The following CRIM1 variants were observed in gnomAD, a reference collection of about 807,000 sequenced individuals.
CRIM1 encodes cysteine-rich motor neuron 1 protein.
In CRIM1, 32 loss-of-function variants were observed where a neutral mutation model predicts 116.4. The observed-to-expected ratio is 0.27, with a 90% CI of 0.21 to 0.37. CRIM1 has a LOEUF of 0.37. Among genes scored for constraint, CRIM1 ranks in the 10% least tolerant of loss-of-function variants. The probability of loss-of-function intolerance (pLI) is 1.00; values close to 1 mark genes in which losing one functional copy is unlikely to be tolerated. For synonymous variants in CRIM1, 590 were observed against 509.2 expected (o/e 1.16, Z -2.13); for missense variants, 1,331 against 1,354.8 (o/e 0.98, Z 0.28).
chr2:36,473,294 C>T (rs147467392), intron 5 of CRIM1, among the ~76,000 whole-genome samples: 19 of 152,214 alleles, frequency 1.2e-4, no homozygotes, highest in African/African-American at 4.3e-4. Flanking sequence ...CAGCTTTCAC[C>T]GGCAGATTGA....
At chr2:36,454,580 T>A (rs1386271976) in intron 4 of CRIM1, among the ~76,000 whole-genome samples, 1 of 152,194 alleles carries the variant, frequency 6.6e-6, no homozygotes, top group Non-Finnish European at 1.5e-5. Flanking sequence ...AGTCAAAGGG[T>A]TGAATCACAG....
rs555923172 is a variant in CRIM1, at chr2:36,382,465, C to T, written c.332-14149C>T. On this transcript the variant is annotated intron_variant, in intron 1 of 16. Coordinates refer to ENST00000280527, the MANE Select transcript of CRIM1 (RefSeq NM_016441.3). ...TGATAATTAGTGCTCCGTGGCCATG[C>T]CACACATCCTGTCTGAAGCAAGGGT... Among the ~76,000 whole-genome samples, 47 of 147,864 alleles carry T rather than the reference C, an allele frequency of 3.2e-4. No homozygotes were observed. The East Asian group carries it at 8.5e-3, about 27-fold the overall frequency.
intron 1 of CRIM1, among the ~76,000 whole-genome samples, chr2:36,376,793 T>TCC (rs1670353095): frequency 3.9e-5 from 6 of 152,218 alleles, no homozygotes; most frequent in Admixed American, 3.9e-4. Flanking sequence ...AATGCCTGAC[T>TCC]TCCTGACCTG....
intron 6 of CRIM1, among the ~76,000 whole-genome samples, chr2:36,478,059 A>T (rs142614433): frequency 6.6e-6 from 1 of 152,328 alleles, no homozygotes; most frequent in Non-Finnish European, 1.5e-5. Flanking sequence ...GGGAGGGCAC[A>T]GTGTCATGCC....
chr2:36,509,317 G>C (rs764274446), intron 8 of CRIM1, among the ~76,000 whole-genome samples: 13 of 152,140 alleles, frequency 8.5e-5, no homozygotes, highest in Non-Finnish European at 1.9e-4. Context: ...AGGAGTTCAA[G>C]AAGAACCTGG....
At chr2:36,544,023 C>T (rs1421296203) in intron 14 of CRIM1, among the ~76,000 whole-genome samples, 1 of 152,162 alleles carries the variant, frequency 6.6e-6, no homozygotes, top group Non-Finnish European at 1.5e-5. Context: ...AGAGCAGCAG[C>T]TATTAAACAC....
At chr2:36,365,186 TG>T (rs1669508243) in intron 1 of CRIM1, among the ~76,000 whole-genome samples, 1 of 152,214 alleles carries the variant, frequency 6.6e-6, no homozygotes. Flanking sequence ...CCAGCGCCTT[TG>T]GCATTTCAGC....
At chr2:36,519,116 A>C (rs981570086) in intron 12 of CRIM1, among the ~76,000 whole-genome samples, 1 of 152,204 alleles carries the variant, frequency 6.6e-6, no homozygotes, top group African/African-American at 2.4e-5. Flanking sequence ...CTGAGTGATG[A>C]ACTTAGGGAT....
intron 2 of CRIM1, among the ~76,000 whole-genome samples, chr2:36,409,193 A>G (rs1357837477): frequency 1.3e-5 from 2 of 152,176 alleles, no homozygotes; most frequent in African/African-American, 4.8e-5. Context: ...TGAAAATTGT[A>G]AAGATTGCCA....
intron 4 of CRIM1, among the ~76,000 whole-genome samples, chr2:36,461,866 A>G (rs999656807): frequency 6.6e-6 from 1 of 152,244 alleles, no homozygotes; most frequent in Non-Finnish European, 1.5e-5. Context: ...GTTTTAACCT[A>G]ATAGATAGCT....
chr2:36,359,898 T>C lies in CRIM1; in HGVS notation c.331+3275T>C, dbSNP rs535906596. On this transcript the variant is annotated intron_variant, in intron 1 of 16. Coordinates refer to ENST00000280527, the MANE Select transcript of CRIM1 (RefSeq NM_016441.3). The stretch of plus-strand genomic sequence containing the variant: ...TCCATTCGTCTGCTAAGACCTCCTG[T>C]TGCTCTTTGCAGCATCCTAACTGGC... 1.6e-4 allele frequency among the ~76,000 whole-genome samples: 24 copies of C among 152,316 alleles called. 1 individual carries two copies. The South Asian group carries it at 5.0e-3, about 32-fold the overall frequency.
intron 7 of CRIM1, among the ~76,000 whole-genome samples, chr2:36,487,873 A>T (rs1447659792): frequency 6.6e-6 from 1 of 152,216 alleles, no homozygotes; most frequent in Non-Finnish European, 1.5e-5. Context: ...TTAAATGGTC[A>T]TATACTGTAT....
At chr2:36,479,368 G>C (rs711250) in intron 6 of CRIM1, 129 bp from the exon 7 acceptor site, 190,545 of 828,508 alleles carry the variant, frequency 0.23, 32,300 homozygotes, top group East Asian at 0.72. Flanking sequence ...GCAACCCTGC[G>C]CTTCTGTTGA....
At chr2:36,360,614 G>A (rs541624910) in intron 1 of CRIM1, among the ~76,000 whole-genome samples, 5 of 152,232 alleles carry the variant, frequency 3.3e-5, no homozygotes, top group Admixed American at 1.3e-4. Context: ...AAGTTTCTTT[G>A]CTTATCCCTG....
chr2:36,393,274 C>G (rs946899309), intron 1 of CRIM1, among the ~76,000 whole-genome samples: 1 of 152,144 alleles, frequency 6.6e-6, no homozygotes, highest in Non-Finnish European at 1.5e-5. Flanking sequence ...ATGTGTGCCT[C>G]ATACAGTGCT....
At chr2:36,513,217 G>A (rs1396984759) in intron 10 of CRIM1, 3 of 266,510 alleles carry the variant, frequency 1.1e-5, no homozygotes, top group Admixed American at 5.0e-5. Flanking sequence ...CTTCTAGAGC[G>A]ATTTTTCTGA....
At chr2:36,474,700 T>G (rs918013392) in intron 5 of CRIM1, among the ~76,000 whole-genome samples, 11 of 151,738 alleles carry the variant, frequency 7.2e-5, no homozygotes, top group African/African-American at 2.7e-4. Flanking sequence ...ATACAAAAAT[T>G]AGCTGGGCAT....
At chr2:36,441,734 C>T (rs1218633995) in intron 3 of CRIM1, among the ~76,000 whole-genome samples, 3 of 152,118 alleles carry the variant, frequency 2.0e-5, no homozygotes, top group Non-Finnish European at 2.9e-5. Flanking sequence ...GTCTTTTCCT[C>T]TTTTCTTCTT....
At chr2:36,547,206 G>A (rs370524700) in intron 16 of CRIM1, 35 bp downstream of exon 16, 2 of 1,541,946 alleles carry the variant, frequency 1.3e-6, no homozygotes, top group Admixed American at 1.8e-5. Context: ...CTTGAATGAT[G>A]AATCTAGGAA....
Sources: allele counts gnomAD v4.1 joint callset (sites outside exome capture counted in the v4.1 genomes callset), GRCh38; gene constraint gnomAD v4.1.1; transcripts MANE v1.5; gene names NCBI Gene and HGNC (gene_info 2026-07-23, HGNC 2026-07-21).